CRYBG1: variants seen among roughly 807,000 people sequenced by gnomAD.
The protein encoded by CRYBG1 is crystallin beta-gamma domain containing 1.
CRYBG1 carries 139 observed loss-of-function variants against 189.2 expected under a neutral mutation model. That is an observed-to-expected ratio of 0.73 (90% CI 0.64 to 0.85). The LOEUF is 0.85. Ranked by LOEUF, CRYBG1 falls within the 40% of genes least tolerant of loss-of-function variation. The pLI is 0.00. For synonymous variants in CRYBG1, 1,023 were observed against 1,017.1 expected (o/e 1.01, Z -0.11); for missense variants, 2,611 against 2,675.8 (o/e 0.98, Z 0.53).
chr6:106,488,790 G>A (rs975780847), intron 2 of CRYBG1, among the ~76,000 whole-genome samples: 3 of 152,140 alleles, frequency 2.0e-5, no homozygotes, highest in Non-Finnish European at 2.9e-5. Context: ...CCTAGGTTCT[G>A]GGTAGCTGGG....
At chr6:106,445,166 T>C (rs6908605) in intron 1 of CRYBG1, among the ~76,000 whole-genome samples, 49,944 of 151,968 alleles carry the variant, frequency 0.33, 8,545 homozygotes, top group Middle Eastern at 0.47. Flanking sequence ...GGGTTAGTGG[T>C]GTAGCATCCT....
Position 106,539,443 on chromosome 6 carries a change from TTCATCCTGGAACCTG to T in CRYBG1, c.4760_4774del (p.Phe1587_Gly1592delinsCys). The stretch of plus-strand genomic sequence containing the variant: ...AGAACCTGGATTTCAGGGTGTTCCT[TTCATCCTGGAACCTG>T]GTGAATACCCTGACTTGTCCTTCTG... On this transcript the variant is annotated inframe_deletion, in exon 9 of 22. Coordinates refer to ENST00000633556, the MANE Select transcript of CRYBG1 (RefSeq NM_001371242.2). The T allele has an allele frequency of 6.2e-7, 1 of 1,614,010 alleles. No individual in the cohort carries two copies. The highest frequency in any genetic ancestry group is 8.5e-7 in the Non-Finnish European group (1 of 1,179,906).
At chr6:106,507,608 G>A (rs1773160027) in intron 2 of CRYBG1, among the ~76,000 whole-genome samples, 1 of 152,138 alleles carries the variant, frequency 6.6e-6, no homozygotes, top group Admixed American at 6.5e-5. Flanking sequence ...CCCATCCTAG[G>A]TTTAAGACCC....
intron 1 of CRYBG1, among the ~76,000 whole-genome samples, chr6:106,444,423 C>T (rs912289312): frequency 2.0e-5 from 3 of 152,198 alleles, no homozygotes; most frequent in African/African-American, 7.2e-5. Flanking sequence ...CCTTGAGGCA[C>T]AGACCTCGGT....
intron 1 of CRYBG1, among the ~76,000 whole-genome samples, chr6:106,404,882 A>G (rs1770793147): frequency 6.6e-6 from 1 of 152,052 alleles, no homozygotes; most frequent in Non-Finnish European, 1.5e-5. Flanking sequence ...AGTCTTCGCA[A>G]CCCACAGACC....
intron 1 of CRYBG1, among the ~76,000 whole-genome samples, chr6:106,422,344 A>ATTTATTTT (rs57640822): frequency 3.6e-5 from 5 of 139,990 alleles, no homozygotes; most frequent in African/African-American, 7.9e-5. Context: ...TTATTTATTT[A>ATTTATTTT]TTTTTGAGAC....
In CRYBG1 at chr6:106,571,856, G is replaced by A. The variant is rs889793679; in HGVS notation, c.*3290G>A. ...TATATCAATTACTGGCCAAAATGGT[G>A]TGTTTATTTTTTAAAGCTTGTATCA... On this transcript the variant is annotated 3_prime_UTR_variant, in exon 22 of 22. Coordinates refer to ENST00000633556, the MANE Select transcript of CRYBG1 (RefSeq NM_001371242.2). 1.9e-5 allele frequency: 11 copies of A among 578,464 alleles called. No homozygotes were observed. The highest frequency in any genetic ancestry group is 4.5e-4 in the Middle Eastern group (1 of 2,210). The allele number at this position is 578,464 out of a possible 1,614,324, so 35.8% of individuals were successfully genotyped here.
chr6:106,370,415 G>T (rs1769995833), intron 1 of CRYBG1, among the ~76,000 whole-genome samples: 2 of 152,204 alleles, frequency 1.3e-5, no homozygotes, highest in Non-Finnish European at 2.9e-5. Context: ...TTCTCAAGTA[G>T]TTGCTTTACC....
At chr6:106,400,738 G>C (rs1301543990) in intron 1 of CRYBG1, among the ~76,000 whole-genome samples, 1 of 152,138 alleles carries the variant, frequency 6.6e-6, no homozygotes, top group Non-Finnish European at 1.5e-5. Flanking sequence ...GAGATAGACA[G>C]ACACTATTTA....
chr6:106,401,228 A>G (rs1401848574), intron 1 of CRYBG1, among the ~76,000 whole-genome samples: 1 of 152,174 alleles, frequency 6.6e-6, no homozygotes, highest in African/African-American at 2.4e-5. Context: ...TTTTTTAATG[A>G]GTGACTCTTA....
intron 8 of CRYBG1, among the ~76,000 whole-genome samples, chr6:106,530,532 T>C (rs202035643): frequency 2.0e-5 from 3 of 151,442 alleles, no homozygotes; most frequent in Admixed American, 1.3e-4. Context: ...TTATAGGAAA[T>C]GGGGGGGGAT....
chr6:106,482,141 C>G (rs1324385393), intron 2 of CRYBG1, among the ~76,000 whole-genome samples: 1 of 152,224 alleles, frequency 6.6e-6, no homozygotes, highest in African/African-American at 2.4e-5. Flanking sequence ...GGTCCTCTTC[C>G]AACCTCACGT....
At chr6:106,497,837 T>A (rs1000978881) in intron 2 of CRYBG1, among the ~76,000 whole-genome samples, 1 of 152,164 alleles carries the variant, frequency 6.6e-6, no homozygotes, top group African/African-American at 2.4e-5. Context: ...ATGCCTGTAA[T>A]CCCAGCACTT....
At chr6:106,445,040 A>G (rs961842508) in intron 1 of CRYBG1, among the ~76,000 whole-genome samples, 11 of 152,322 alleles carry the variant, frequency 7.2e-5, no homozygotes, top group African/African-American at 2.6e-4. Context: ...GGTGAATGCA[A>G]TCAGGAAGTA....
intron 1 of CRYBG1, among the ~76,000 whole-genome samples, chr6:106,439,737 G>GA (rs397951158): frequency 0.029 from 4,109 of 143,430 alleles, 142 homozygotes; most frequent in African/African-American, 0.087. Context: ...ATCCCTGACT[G>GA]AAAAAAAAAA....
rs772559302 is a variant in CRYBG1, at chr6:106,560,901, T to C, written c.5954T>C (p.Ile1985Thr). 5.6e-6 allele frequency: 9 copies of C among 1,612,294 alleles called. No homozygotes were observed. The African/African-American group carries it at 9.4e-5, about 17-fold the overall frequency. The change falls in exon 19 of 22, where the codon ATA becomes ACA. Residue 1985 changes from isoleucine (I) to threonine (T), a missense_variant. Ile to Thr is a moderately conservative substitution (Grantham distance 89). Coordinates refer to ENST00000633556, the MANE Select transcript of CRYBG1 (RefSeq NM_001371242.2). ...NWYEFSGCRQIGSLRPFVQKR... is the reference protein window; with the variant it reads ...NWYEFSGCRQTGSLRPFVQKR... The stretch of plus-strand genomic sequence containing the variant: ...TATGAATTCAGTGGCTGTCGCCAAA[T>C]AGGTTCTCTACGACCTTTTGTTCAG...
chr6:106,519,159 A>G lies in CRYBG1; in HGVS notation c.1951A>G (p.Asn651Asp), dbSNP rs375604181. Residue 651 changes from asparagine (N) to aspartate (D), a missense_variant, in exon 4 of 22, where the codon AAT (asparagine) becomes GAT (aspartate). By Grantham distance (23) the Asn-to-Asp change is conservative. Coordinates refer to ENST00000633556, the MANE Select transcript of CRYBG1 (RefSeq NM_001371242.2). ...LPAKPKHVEL[N>D]LKTPKNLDSL... The stretch of plus-strand genomic sequence containing the variant: ...TGCCAAGCCCAAACATGTGGAACTA[A>G]ATCTTAAAACCCCTAAGAATCTTGA... 3 of 1,613,712 alleles carry G rather than the reference A, an allele frequency of 1.9e-6. No homozygotes were observed. In the African/African-American group the frequency reaches 4.0e-5, roughly 22 times the overall value.
At chr6:106,372,205 G>A (rs78872951) in intron 1 of CRYBG1, among the ~76,000 whole-genome samples, 8 of 151,856 alleles carry the variant, frequency 5.3e-5, no homozygotes, top group Admixed American at 6.6e-5. Flanking sequence ...AAGAACAAAC[G>A]TATAAGTTGG....
intron 1 of CRYBG1, among the ~76,000 whole-genome samples, chr6:106,408,741 C>A (rs527592719): frequency 3.9e-5 from 6 of 152,290 alleles, no homozygotes; most frequent in Non-Finnish European, 7.4e-5. Flanking sequence ...TAAACATAAT[C>A]CATCACATAA....
Sources: gnomAD v4.1 joint callset for allele counts (sites outside exome capture counted in the v4.1 genomes callset) on GRCh38, gnomAD v4.1.1 for gene constraint, MANE v1.5 for transcripts, NCBI Gene and HGNC (gene_info 2026-07-23, HGNC 2026-07-21) for gene names.